GRIA2: variants seen among roughly 807,000 people sequenced by gnomAD.
GRIA2 encodes glutamate receptor 2.
In GRIA2, 14 loss-of-function variants were observed where a neutral mutation model predicts 97.3. That is an observed-to-expected ratio of 0.14 (90% CI 0.10 to 0.23). The LOEUF (loss-of-function observed/expected upper bound fraction) is 0.23, where lower values mean the gene tolerates loss of function less well. Ranked by LOEUF, GRIA2 falls within the 10% of genes least tolerant of loss-of-function variation. The probability of loss-of-function intolerance (pLI) is 1.00; values close to 1 mark genes in which losing one functional copy is unlikely to be tolerated. For missense variants in GRIA2, 558 were observed against 1,069.8 expected (o/e 0.52, Z 6.67); for synonymous variants, 412 against 387.8 (o/e 1.06, Z -0.73).
At chr4:157,306,852 A>C (rs1355498174) in intron 3 of GRIA2, among the ~76,000 whole-genome samples, 1 of 152,122 alleles carries the variant, frequency 6.6e-6, no homozygotes, top group Non-Finnish European at 1.5e-5. Flanking sequence ...CTTATGCTTC[A>C]AAGTAGGCAC....
intron 2 of GRIA2, among the ~76,000 whole-genome samples, chr4:157,274,777 T>C (rs1369304641): frequency 6.6e-6 from 1 of 151,858 alleles, no homozygotes; most frequent in Non-Finnish European, 1.5e-5. Context: ...TTGTTGGACA[T>C]TTGGGTTGGT....
chr4:157,238,871 AT>A (rs1298496852), intron 2 of GRIA2, among the ~76,000 whole-genome samples: 1 of 152,122 alleles, frequency 6.6e-6, no homozygotes, highest in Non-Finnish European at 1.5e-5. Flanking sequence ...AATTTTTAAA[AT>A]TCTTACCTAT....
At chr4:157,325,177 C>T (rs1734750088) in intron 6 of GRIA2, among the ~76,000 whole-genome samples, 1 of 152,014 alleles carries the variant, frequency 6.6e-6, no homozygotes, top group Non-Finnish European at 1.5e-5. Flanking sequence ...AAAGTTAAAT[C>T]AGCTTCCAAA....
intron 2 of GRIA2, among the ~76,000 whole-genome samples, chr4:157,300,847 C>T (rs1420703172): frequency 6.6e-6 from 1 of 151,988 alleles, no homozygotes; most frequent in Non-Finnish European, 1.5e-5. Context: ...TCCAGATGGC[C>T]GCAATAACCA....
chr4:157,251,406 C>T (rs1305025368), intron 2 of GRIA2, among the ~76,000 whole-genome samples: 1 of 152,004 alleles, frequency 6.6e-6, no homozygotes, highest in Non-Finnish European at 1.5e-5. Context: ...TCCCAACTGG[C>T]ATTTTATTTT....
chr4:157,287,965 G>A (rs1732920039), intron 2 of GRIA2, among the ~76,000 whole-genome samples: 2 of 151,556 alleles, frequency 1.3e-5, no homozygotes, highest in African/African-American at 4.8e-5. Context: ...GAAAAAAGGA[G>A]AGTTTTGGAG....
intron 2 of GRIA2, among the ~76,000 whole-genome samples, chr4:157,222,758 C>G (rs1228289134): frequency 1.3e-5 from 2 of 152,170 alleles, no homozygotes; most frequent in East Asian, 3.9e-4. Flanking sequence ...CGCAGTGCTC[C>G]GGGACTCGCT....
intron 2 of GRIA2, among the ~76,000 whole-genome samples, chr4:157,244,226 G>A (rs1730631559): frequency 6.6e-6 from 1 of 151,866 alleles, no homozygotes; most frequent in Admixed American, 6.6e-5. Context: ...ACAGAGAGAG[G>A]GAGCAAAAGG....
chr4:157,271,972 C>T (rs1732047815), intron 2 of GRIA2, among the ~76,000 whole-genome samples: 2 of 151,994 alleles, frequency 1.3e-5, no homozygotes, highest in Non-Finnish European at 2.9e-5. Context: ...AAAGGACTTT[C>T]GGAAAATGTA....
At position 157,303,584 on chromosome 4, in the gene GRIA2, A is replaced by G. The variant is rs759499443; in HGVS notation, c.262A>G (p.Ile88Val). The change falls in exon 3 of 16, where the codon ATT (isoleucine) becomes GTT (valine). Residue 88 changes from isoleucine to valine, a missense_variant. Ile to Val is a conservative substitution (Grantham distance 29). Transcript: ENST00000264426. Reference sequence around the variant, plus strand: ...CCAGTTTTCGAGAGGAGTCTATGCTATTTTTGGATTTTATGACAAGAAGTC... The same window carrying G: ...CCAGTTTTCGAGAGGAGTCTATGCTGTTTTTGGATTTTATGACAAGAAGTC... Reference protein sequence around the residue: ...CSQFSRGVYAIFGFYDKKSVN... With the variant: ...CSQFSRGVYAVFGFYDKKSVN... 11 of 1,613,664 alleles carry G rather than the reference A, an allele frequency of 6.8e-6. No individual in the cohort carries two copies. Among genetic ancestry groups the G allele is most frequent in the Non-Finnish European group, 9.3e-6 (11 of 1,179,668 alleles).
chr4:157,321,701 G>A (rs1734577870), intron 6 of GRIA2, 102 bp downstream of exon 6: 2 of 726,394 alleles, frequency 2.8e-6, no homozygotes, highest in Non-Finnish European at 4.6e-6. Context: ...GGAGTAGAGA[G>A]CACGTTTCAA....
intron 2 of GRIA2, among the ~76,000 whole-genome samples, chr4:157,243,244 AT>A (rs1222898997): frequency 6.6e-6 from 1 of 152,088 alleles, no homozygotes; most frequent in African/African-American, 2.4e-5. Context: ...CAAATAATAA[AT>A]CCATAAAAAA....
intron 6 of GRIA2, among the ~76,000 whole-genome samples, chr4:157,323,373 C>T (rs1579363180): frequency 7.9e-6 from 1 of 127,272 alleles, no homozygotes; most frequent in African/African-American, 2.9e-5. Flanking sequence ...AAAAGACATA[C>T]TGTTTATATC....
intron 11 of GRIA2, among the ~76,000 whole-genome samples, chr4:157,340,989 T>C (rs1373052109): frequency 6.6e-6 from 1 of 152,060 alleles, no homozygotes; most frequent in Non-Finnish European, 1.5e-5. Context: ...ATTGCTTTCT[T>C]ATGGGATTCA....
At chr4:157,249,584 T>C (rs1481512602) in intron 2 of GRIA2, 1 of 152,146 alleles carries the variant, frequency 6.6e-6, no homozygotes, top group Non-Finnish European at 1.5e-5. Context: ...TTTCTGACTC[T>C]TAAAATAATC....
intron 3 of GRIA2, among the ~76,000 whole-genome samples, chr4:157,308,357 T>C (rs887831025): frequency 5.9e-5 from 9 of 152,242 alleles, no homozygotes; most frequent in Non-Finnish European, 1.3e-4. Context: ...TTTAACATTA[T>C]GTAATCTAGC....
intron 13 of GRIA2, 106 bp from the exon 14 acceptor site, chr4:157,360,904 T>G: frequency 1.3e-6 from 1 of 787,266 alleles, no homozygotes; most frequent in Non-Finnish European, 2.1e-6. Flanking sequence ...CATTTTTTTG[T>G]GACAAGAGTT....
At chr4:157,235,787 C>T (rs936531699) in intron 2 of GRIA2, among the ~76,000 whole-genome samples, 2 of 151,908 alleles carry the variant, frequency 1.3e-5, no homozygotes, top group Non-Finnish European at 2.9e-5. Context: ...TTTAAACTGG[C>T]ATAGACTACA....
At chr4:157,270,221 GC>G (rs775403543) in intron 2 of GRIA2, among the ~76,000 whole-genome samples, 6 of 152,164 alleles carry the variant, frequency 3.9e-5, no homozygotes, top group Admixed American at 3.3e-4. Flanking sequence ...TTCTTCCACT[GC>G]CTTGTGCCTT....
Sources: gnomAD v4.1 joint callset for allele counts (sites outside exome capture counted in the v4.1 genomes callset) on GRCh38, gnomAD v4.1.1 for gene constraint, MANE v1.5 for transcripts, NCBI Gene and HGNC (gene_info 2026-07-23, HGNC 2026-07-21) for gene names.